The following DNAJC13 variants were observed in gnomAD, a reference collection of about 807,000 sequenced individuals.
DNAJC13 encodes dnaJ homolog subfamily C member 13.
In DNAJC13, 75 loss-of-function variants were observed where a neutral mutation model predicts 290.5. That is an observed-to-expected ratio of 0.26 (90% CI 0.21 to 0.31). DNAJC13 has a LOEUF of 0.31. DNAJC13 is among the 10% of genes least tolerant of loss of function. DNAJC13 has a pLI of 1.00. For synonymous variants in DNAJC13, 862 were observed against 892.0 expected (o/e 0.97, Z 0.60); for missense variants, 2,260 against 2,674.5 (o/e 0.85, Z 3.42).
chr3:132,516,712 A>G lies in DNAJC13; in HGVS notation c.5569A>G (p.Ile1857Val). Residue 1857 changes from isoleucine (I) to valine (V), a missense_variant, in exon 48 of 56, where the codon ATC becomes GTC. Around this residue, in one of 3 missense-constraint regions of DNAJC13, gnomAD observed 1,494 missense variants for 1,693.7 expected, o/e 0.88. Coordinates refer to ENST00000260818, the MANE Select transcript of DNAJC13 (RefSeq NM_015268.4). ...IKEAMAKGAL[I>V]YLLDMFCNST... ...ATCTTTTTCCTTCATAGGTGCTTTG[A>G]TCTATTTACTGGATATGTTCTGCAA... is the stretch of plus-strand genomic sequence containing the variant. The G allele has an allele frequency of 1.9e-6, 3 of 1,611,152 alleles. No individual in the cohort carries two copies. The highest frequency in any genetic ancestry group is 2.5e-6 in the Non-Finnish European group (3 of 1,179,102).
chr3:132,456,179 A>G, intron 9 of DNAJC13, 56 bp from the exon 10 acceptor site: 1 of 1,550,324 alleles, frequency 6.5e-7, no homozygotes. Flanking sequence ...ATGCTAGATC[A>G]AAATTCCCCT....
At chr3:132,448,113 A>G (rs975920265) in intron 5 of DNAJC13, among the ~76,000 whole-genome samples, 174 bp downstream of exon 5, 1 of 152,200 alleles carries the variant, frequency 6.6e-6, no homozygotes, top group Non-Finnish European at 1.5e-5. Flanking sequence ...TCAAATATGA[A>G]CAGTTAGATT....
chr3:132,441,454 A>G (rs1251032790), intron 2 of DNAJC13, among the ~76,000 whole-genome samples: 1 of 152,238 alleles, frequency 6.6e-6, no homozygotes, highest in Non-Finnish European at 1.5e-5. Context: ...TGTGTAACAT[A>G]AAAGCTGTCT....
At chr3:132,516,234 G>A (rs574811424) in intron 46 of DNAJC13, among the ~76,000 whole-genome samples, 188 bp from the exon 47 acceptor site, 2 of 152,152 alleles carry the variant, frequency 1.3e-5, no homozygotes, top group Admixed American at 6.5e-5. Flanking sequence ...ACCTTGGGCC[G>A]GTTAAACTGG....
rs185472829 is a variant in DNAJC13 at position 132,497,985 on chromosome 3, A to G, written c.4157-1141A>G. 2.7e-3 allele frequency among the ~76,000 whole-genome samples: 407 copies of G among 152,268 alleles called. 3 individuals are homozygous for G. The highest frequency in any genetic ancestry group is 8.3e-3 in the African/African-American group (343 of 41,560). On this transcript the variant is annotated intron_variant, in intron 36 of 55. Transcript: ENST00000260818. ...AGTCAAAAAGATTTATGCTGATTTC[A>G]ATTGGAATTATAGAGATACTTTTAA...
At chr3:132,420,924 CT>C (rs1938937091) in intron 1 of DNAJC13, among the ~76,000 whole-genome samples, 1 of 152,192 alleles carries the variant, frequency 6.6e-6, no homozygotes, top group East Asian at 1.9e-4. Flanking sequence ...ATGAAAAAAA[CT>C]CCCAAGAGAA....
At chr3:132,430,741 G>A (rs1278546001) in intron 1 of DNAJC13, among the ~76,000 whole-genome samples, 1 of 151,826 alleles carries the variant, frequency 6.6e-6, no homozygotes, top group Non-Finnish European at 1.5e-5. Flanking sequence ...TCCCTTTTTT[G>A]GTGAGTCTTC....
chr3:132,470,770 G>C (rs1934196975), intron 20 of DNAJC13, among the ~76,000 whole-genome samples: 1 of 122,510 alleles, frequency 8.2e-6, no homozygotes, highest in Non-Finnish European at 1.7e-5. Context: ...CCTCCCAGAC[G>C]GGGCGGCTGG....
At position 132,512,870 on chromosome 3, in the gene DNAJC13, T is replaced by C. The variant is rs529726977; in HGVS notation, c.5294-138T>C. The C allele has an allele frequency of 2.7e-5, 19 of 696,888 alleles. No homozygotes were observed. In the South Asian group the frequency reaches 3.3e-4, roughly 12 times the overall value. 43.2% of individuals were successfully genotyped at this position (696,888 alleles called of 1,614,324 possible). A position where few individuals can be genotyped will look rare whatever the true frequency, so the allele number is the denominator to read the frequency against. ...TTATTGTTCCTTAGAGGTCCTCCAC[T>C]TACTTCATGTCACAGATGTTTAGAA... On this transcript the variant is annotated intron_variant, in intron 44 of 55. Transcript: ENST00000260818.
At chr3:132,472,855 T>G (rs921745769) in intron 20 of DNAJC13, among the ~76,000 whole-genome samples, 1 of 152,272 alleles carries the variant, frequency 6.6e-6, no homozygotes, top group African/African-American at 2.4e-5. Flanking sequence ...ATTTTAAATT[T>G]TATTAATCAC....
chr3:132,469,094 A>G (rs981782928), intron 20 of DNAJC13, among the ~76,000 whole-genome samples: 1 of 152,220 alleles, frequency 6.6e-6, no homozygotes, highest in African/African-American at 2.4e-5. Flanking sequence ...TGAGCAAATA[A>G]TGATGCCAGA....
At chr3:132,483,193 T>TG (rs1385156326) in intron 27 of DNAJC13, among the ~76,000 whole-genome samples, 182 bp from the exon 28 acceptor site, 1 of 151,062 alleles carries the variant, frequency 6.6e-6, no homozygotes, top group Non-Finnish European at 1.5e-5. Flanking sequence ...GGTTTTTTGG[T>TG]TTTTTTTTGT....
chr3:132,434,671 C>G, intron 2 of DNAJC13, 53 bp downstream of exon 2: 2 of 1,432,184 alleles, frequency 1.4e-6, no homozygotes, highest in South Asian at 2.5e-5. Flanking sequence ...ATATTTTAAA[C>G]ATTACTGTGT....
chr3:132,447,354 G>A lies in DNAJC13; in HGVS notation c.178G>A (p.Val60Ile), dbSNP rs1485009790. Residue 60 changes from valine (V) to isoleucine (I), a missense_variant, in exon 4 of 56, where the codon GTT (valine) becomes ATT (isoleucine). Physicochemically the swap from Val to Ile is conservative, Grantham distance 29 (BLOSUM62 3). Coordinates refer to ENST00000260818, the MANE Select transcript of DNAJC13 (RefSeq NM_015268.4). Reference protein sequence around the residue: ...PYGDICSISPVGKGQGTEFNL... With the variant: ...PYGDICSISPIGKGQGTEFNL... ...TGGAGACATTTGCAGCATCAGCCCTGTTGGAAAAGGACAAGGAACGGAGTT... is the reference window on the plus strand; with the variant it reads ...TGGAGACATTTGCAGCATCAGCCCTATTGGAAAAGGACAAGGAACGGAGTT... 1 of 1,596,928 alleles carries A rather than the reference G, an allele frequency of 6.3e-7. No homozygotes were observed. The highest frequency in any genetic ancestry group is 8.5e-7 in the Non-Finnish European group (1 of 1,173,990).
intron 39 of DNAJC13, 127 bp downstream of exon 39, chr3:132,501,040 T>C: frequency 6.5e-6 from 8 of 1,234,652 alleles, no homozygotes; most frequent in Non-Finnish European, 8.9e-6. Flanking sequence ...TTTGGATTTC[T>C]AAAAGCATTT....
intron 29 of DNAJC13, 100 bp downstream of exon 29, chr3:132,484,772 C>G (rs1934798106): frequency 8.5e-7 from 1 of 1,172,854 alleles, no homozygotes. Context: ...ATTCCATTTT[C>G]AAAAAGCCTA....
chr3:132,467,542 T>C (rs1006103397), intron 20 of DNAJC13, among the ~76,000 whole-genome samples: 1 of 152,198 alleles, frequency 6.6e-6, no homozygotes, highest in Non-Finnish European at 1.5e-5. Context: ...CTCGTCTCAC[T>C]GCAAGCTCCG....
chr3:132,454,160 ATTTT>A lies in DNAJC13; in HGVS notation c.932+13_932+16del. 7.6e-7 allele frequency: 1 copy of A among 1,323,148 alleles called. No homozygotes were observed. The highest frequency in any genetic ancestry group is 1.4e-5 in the South Asian group (1 of 71,600). 82.0% of individuals were successfully genotyped at this position (1,323,148 alleles called of 1,614,324 possible). A position where few individuals can be genotyped will look rare whatever the true frequency, so the allele number is the denominator to read the frequency against. On this transcript the variant is annotated splice_donor_5th_base_variant and intron_variant, in intron 9 of 55. Transcript: ENST00000260818. ...CGGAAATATTCTTCAACAGAGAGGTATTTTTTTTTTTTTAAGTTTTTGAAATCCT... is the reference window on the plus strand; with the variant it reads ...CGGAAATATTCTTCAACAGAGAGGTATTTTTTTTTAAGTTTTTGAAATCCT...
At chr3:132,439,068 TA>T (rs1932960647) in intron 2 of DNAJC13, among the ~76,000 whole-genome samples, 1 of 152,222 alleles carries the variant, frequency 6.6e-6, no homozygotes, top group Non-Finnish European at 1.5e-5. Context: ...TTTTTCTGGA[TA>T]AAAATTTATA....
Sources: gnomAD v4.1 joint callset for allele counts (sites outside exome capture counted in the v4.1 genomes callset) on GRCh38, gnomAD v4.1.1 for gene constraint, gnomAD v4.1.1 regional missense constraint, MANE v1.5 for transcripts, NCBI Gene and HGNC (gene_info 2026-07-23, HGNC 2026-07-21) for gene names.